Variants in CTNNA2 observed in about 807,000 individuals in gnomAD.
The protein encoded by CTNNA2 is catenin alpha 2, also known as catenin alpha-2.
Under a neutral mutation model 101.0 loss-of-function variants are expected in CTNNA2, and 42 were observed. The ratio of observed to expected loss-of-function variants is 0.42; its 90% CI spans 0.32 to 0.54. The LOEUF (loss-of-function observed/expected upper bound fraction) is 0.54, where lower values mean the gene tolerates loss of function less well. CTNNA2 is among the 20% of genes least tolerant of loss of function. CTNNA2 has a pLI of 0.14. For synonymous variants in CTNNA2, 450 were observed against 456.4 expected (o/e 0.99, Z 0.18); for missense variants, 871 against 1,223.1 (o/e 0.71, Z 4.29).
chr2:79,240,834 A>C (rs1441122772), intron 2 of CTNNA2, among the ~76,000 whole-genome samples: 1 of 152,080 alleles, frequency 6.6e-6, no homozygotes, highest in East Asian at 1.9e-4. Context: ...TACACTTAGC[A>C]ATACAAGAAG....
chr2:80,232,242 C>CTCCTGAG (rs1709256198), intron 7 of CTNNA2, among the ~76,000 whole-genome samples: 1 of 151,650 alleles, frequency 6.6e-6, no homozygotes, highest in East Asian at 1.9e-4. Flanking sequence ...TTCCCAGGAC[C>CTCCTGAG]TCCTGAGGCT....
intron 7 of CTNNA2, among the ~76,000 whole-genome samples, chr2:80,035,846 T>A (rs1695612294): frequency 1.3e-5 from 2 of 152,288 alleles, no homozygotes; most frequent in African/African-American, 4.8e-5. Flanking sequence ...CAATTTTCCA[T>A]CTTTCAGTGC....
chr2:79,410,864 C>A lies in CTNNA2; in HGVS notation c.-135+36851C>A, dbSNP rs529989515. Among the ~76,000 whole-genome samples, 291 of 152,042 alleles carry A rather than the reference C, an allele frequency of 1.9e-3. 4 individuals carry two copies. The highest frequency in any genetic ancestry group is 0.015 in the Admixed American group (232 of 15,260). ...CTTTTTCTATTGATTGGAATAGTTT[C>A]AGAAGGAATGGTACCAGTTCTTCCT... On this transcript the variant is annotated intron_variant, in intron 4 of 21. Coordinates refer to the CTNNA2 transcript ENST00000466387.
At chr2:80,000,183 C>T (rs902441987) in intron 7 of CTNNA2, among the ~76,000 whole-genome samples, 1 of 152,138 alleles carries the variant, frequency 6.6e-6, no homozygotes, top group Non-Finnish European at 1.5e-5. Context: ...GTCCGGAGTT[C>T]CCTTTAAGAG....
intron 7 of CTNNA2, among the ~76,000 whole-genome samples, chr2:80,153,168 C>T (rs181934738): frequency 2.6e-5 from 4 of 152,184 alleles, no homozygotes; most frequent in African/African-American, 4.8e-5. Context: ...GGCACCTCTC[C>T]TCTGCTTCAG....
chr2:80,321,528 A>T (rs1390078757), intron 7 of CTNNA2, among the ~76,000 whole-genome samples: 1 of 152,252 alleles, frequency 6.6e-6, no homozygotes, highest in Non-Finnish European at 1.5e-5. Context: ...ATTGAACAGC[A>T]TATTTTAAAA....
chr2:80,017,452 AT>A (rs1187561357), intron 7 of CTNNA2, among the ~76,000 whole-genome samples: 1 of 151,612 alleles, frequency 6.6e-6, no homozygotes, highest in Non-Finnish European at 1.5e-5. Context: ...ACGTGTGTAT[AT>A]ATATGTATAT....
At chr2:79,475,299 C>T (rs572014059) in intron 4 of CTNNA2, among the ~76,000 whole-genome samples, 9 of 151,982 alleles carry the variant, frequency 5.9e-5, no homozygotes, top group Middle Eastern at 3.4e-3. Context: ...AAAACAGAGC[C>T]GGAAACTTGT....
intron 6 of CTNNA2, among the ~76,000 whole-genome samples, chr2:79,891,339 T>A (rs1684289748): frequency 6.6e-6 from 1 of 152,220 alleles, no homozygotes; most frequent in African/African-American, 2.4e-5. Flanking sequence ...ACTGAATCGC[T>A]GTGTAGAATT....
chr2:80,099,095 G>A (rs573587051), intron 7 of CTNNA2, among the ~76,000 whole-genome samples: 13 of 151,952 alleles, frequency 8.6e-5, no homozygotes, highest in Admixed American at 4.6e-4. Context: ...CTTCTGCGTG[G>A]CTCATGCTGG....
At chr2:79,882,646 T>TG (rs1426375599) in intron 6 of CTNNA2, among the ~76,000 whole-genome samples, 1 of 152,226 alleles carries the variant, frequency 6.6e-6, no homozygotes, top group African/African-American at 2.4e-5. Context: ...GTTAGGCAGT[T>TG]GTACCTCCCA....
intron 2 of CTNNA2, among the ~76,000 whole-genome samples, chr2:79,736,152 T>C (rs1217712717): frequency 6.6e-6 from 1 of 152,200 alleles, no homozygotes; most frequent in Non-Finnish European, 1.5e-5. Context: ...TGCGTCAGAA[T>C]TTGTATAACT....
chr2:79,996,810 C>A (rs533633234), intron 7 of CTNNA2, among the ~76,000 whole-genome samples: 6 of 152,012 alleles, frequency 3.9e-5, no homozygotes. Context: ...CACTGGGGAG[C>A]GATAGGAAAC....
At chr2:80,332,933 A>G (rs1013174791) in intron 7 of CTNNA2, among the ~76,000 whole-genome samples, 3 of 152,162 alleles carry the variant, frequency 2.0e-5, no homozygotes, top group Non-Finnish European at 4.4e-5. Context: ...CTGGAAATAA[A>G]CCAAAAGAAG....
At chr2:80,306,578 G>A (rs550913788) in intron 7 of CTNNA2, among the ~76,000 whole-genome samples, 2 of 151,928 alleles carry the variant, frequency 1.3e-5, no homozygotes, top group South Asian at 2.1e-4. Context: ...AAGGTGCTGC[G>A]GAACACTTTA....
chr2:79,697,340 G>A (rs1244073320), intron 2 of CTNNA2, among the ~76,000 whole-genome samples: 1 of 152,000 alleles, frequency 6.6e-6, no homozygotes, highest in African/African-American at 2.4e-5. Context: ...AATCAGAGAT[G>A]CATCTCCATT....
At chr2:79,595,319 G>C (rs970536738) in intron 1 of CTNNA2, among the ~76,000 whole-genome samples, 1 of 152,030 alleles carries the variant, frequency 6.6e-6, no homozygotes, top group African/African-American at 2.4e-5. Flanking sequence ...CTATTCCCGT[G>C]ATTTATCTTC....
chr2:80,027,972 C>CAAAAA (rs1177032489), intron 7 of CTNNA2: 29 of 19,816 alleles, frequency 1.5e-3, no homozygotes, highest in Non-Finnish European at 1.6e-3. Context: ...GACCCTGTCT[C>CAAAAA]AAAAAAAAAA....
chr2:79,441,829 C>T (rs1187955933), intron 4 of CTNNA2, among the ~76,000 whole-genome samples: 1 of 152,164 alleles, frequency 6.6e-6, no homozygotes, highest in African/African-American at 2.4e-5. Flanking sequence ...CTACTCCTCC[C>T]TCTAATTATT....
Sources: allele counts gnomAD v4.1 joint callset (sites outside exome capture counted in the v4.1 genomes callset), GRCh38; gene constraint gnomAD v4.1.1; transcripts MANE v1.5; gene names NCBI Gene and HGNC (gene_info 2026-07-23, HGNC 2026-07-21).